ENTREP2: variants seen among roughly 807,000 people sequenced by gnomAD.
ENTREP2 encodes the protein protein ENTREP2.
chr15:29,323,391 C>G, the ENTREP2 span, among the ~76,000 whole-genome samples: 37 of 152,276 alleles, frequency 2.4e-4, no homozygotes. Context: ...GCTGAACACA[C>G]GGAGGTTCCT....
At chr15:29,584,573 GACAA>G in the ENTREP2 span, among the ~76,000 whole-genome samples, 3 of 152,224 alleles carry the variant, frequency 2.0e-5, no homozygotes, top group Non-Finnish European at 4.4e-5. Flanking sequence ...GGCAGAGAAG[GACAA>G]ACAGTGTATG....
the ENTREP2 span, chr15:29,613,320 C>A: frequency 9.4e-6 from 2 of 213,260 alleles, no homozygotes; most frequent in South Asian, 6.7e-5. Flanking sequence ...TGTTTTCGGT[C>A]AGTTTGGGGC....
the ENTREP2 span, among the ~76,000 whole-genome samples, chr15:29,370,577 A>T: frequency 6.6e-6 from 1 of 152,068 alleles, no homozygotes; most frequent in Admixed American, 6.6e-5. Flanking sequence ...TGCAACCGAG[A>T]TCAAGTGCAC....
chr15:29,137,589 C>T, the ENTREP2 span, among the ~76,000 whole-genome samples: 1 of 152,120 alleles, frequency 6.6e-6, no homozygotes. Context: ...AATCCCAGCA[C>T]TTTGTGAGGC....
the ENTREP2 span, among the ~76,000 whole-genome samples, chr15:29,297,384 C>T: frequency 3.2e-4 from 49 of 152,246 alleles, no homozygotes; most frequent in African/African-American, 1.1e-3. Flanking sequence ...TACAAAAACA[C>T]CATTTGGCCA....
chr15:29,170,368 CAAGTAT>C, the ENTREP2 span, among the ~76,000 whole-genome samples: 3 of 143,844 alleles, frequency 2.1e-5, no homozygotes, highest in African/African-American at 7.8e-5. Context: ...CAACAAACAG[CAAGTAT>C]AAGTTTTTTA....
At chr15:29,341,725 A>T in the ENTREP2 span, among the ~76,000 whole-genome samples, 1 of 152,128 alleles carries the variant, frequency 6.6e-6, no homozygotes, top group Non-Finnish European at 1.5e-5. Flanking sequence ...CCTTCTATAA[A>T]GAAGGTGGTA....
the ENTREP2 span, among the ~76,000 whole-genome samples, chr15:29,219,327 T>C: frequency 6.6e-6 from 1 of 152,092 alleles, no homozygotes; most frequent in South Asian, 2.1e-4. Flanking sequence ...ATAGTAGATG[T>C]TGCCGTGGAT....
At chr15:29,644,304 A>C in the ENTREP2 span, among the ~76,000 whole-genome samples, 1 of 152,192 alleles carries the variant, frequency 6.6e-6, no homozygotes, top group East Asian at 1.9e-4. Context: ...AGGGGTGCAG[A>C]GTTCCTCTTG....
At chr15:29,208,776 C>T in the ENTREP2 span, among the ~76,000 whole-genome samples, 1 of 152,284 alleles carries the variant, frequency 6.6e-6, no homozygotes, top group African/African-American at 2.4e-5. Flanking sequence ...ATAGCCATGC[C>T]TGTGTATCCA....
the ENTREP2 span, among the ~76,000 whole-genome samples, chr15:29,389,061 T>C: frequency 1.3e-5 from 2 of 151,270 alleles, no homozygotes; most frequent in African/African-American, 4.9e-5. Context: ...CATGTATACA[T>C]ATGTAACAAA....
the ENTREP2 span, among the ~76,000 whole-genome samples, chr15:29,462,503 G>A: frequency 1.3e-4 from 20 of 152,104 alleles, no homozygotes; most frequent in South Asian, 4.2e-4. Flanking sequence ...CCAGCTACTC[G>A]GGAGGCTGAG....
At chr15:29,385,449 T>G in the ENTREP2 span, among the ~76,000 whole-genome samples, 10,407 of 152,220 alleles carry the variant, frequency 0.068, 913 homozygotes, top group African/African-American at 0.21. Context: ...CAACTAGGAA[T>G]GGATCAAATT....
At chr15:29,380,160 A>T in the ENTREP2 span, among the ~76,000 whole-genome samples, 1 of 152,202 alleles carries the variant, frequency 6.6e-6, no homozygotes, top group South Asian at 2.1e-4. Context: ...GGTTCATGAC[A>T]GCAGTCTGTT....
At chr15:29,652,210 G>A in the ENTREP2 span, among the ~76,000 whole-genome samples, 93 of 152,288 alleles carry the variant, frequency 6.1e-4, 1 homozygote, top group Middle Eastern at 6.8e-3. Context: ...GCAAAGAGCT[G>A]TGGAAATGAC....
chr15:29,626,046 C>T, the ENTREP2 span, among the ~76,000 whole-genome samples: 1 of 152,128 alleles, frequency 6.6e-6, no homozygotes, highest in Non-Finnish European at 1.5e-5. Context: ...CAGGGTTTCG[C>T]CATGTTGGCC....
chr15:29,590,861 A>G, the ENTREP2 span, among the ~76,000 whole-genome samples: 1 of 152,158 alleles, frequency 6.6e-6, no homozygotes, highest in African/African-American at 2.4e-5. Context: ...TGCTTTATAA[A>G]TGTTCTAACA....
the ENTREP2 span, among the ~76,000 whole-genome samples, chr15:29,223,125 C>T: frequency 6.6e-6 from 1 of 152,208 alleles, no homozygotes; most frequent in African/African-American, 2.4e-5. Context: ...GGTCACCTGA[C>T]GGCCAATGGA....
the ENTREP2 span, among the ~76,000 whole-genome samples, chr15:29,633,874 G>A: frequency 7.8e-4 from 118 of 152,256 alleles, 1 homozygote; most frequent in African/African-American, 1.2e-3. Flanking sequence ...CGAGAGAATC[G>A]CTTGAACCCG....
Sources: allele counts gnomAD v4.1 joint callset (sites outside exome capture counted in the v4.1 genomes callset), GRCh38; gene constraint gnomAD v4.1.1; transcripts MANE v1.5; gene names NCBI Gene and HGNC (gene_info 2026-07-23, HGNC 2026-07-21).